The following MAP3K3 variants were observed in gnomAD, a reference collection of about 807,000 sequenced individuals.
MAP3K3 encodes MAP/ERK kinase kinase 3.
MAP3K3 carries 12 observed loss-of-function variants against 80.9 expected under a neutral mutation model. That is an observed-to-expected ratio of 0.15 (90% CI 0.10 to 0.24). MAP3K3 has a LOEUF of 0.24. Ranked by LOEUF, MAP3K3 falls within the 10% of genes least tolerant of loss-of-function variation. The pLI is 1.00. For synonymous variants in MAP3K3, 272 were observed against 307.1 expected, an observed-to-expected ratio of 0.89 and a Z score of 1.19; for missense variants, 596 against 834.7, an observed-to-expected ratio of 0.71 and a Z score of 3.52.
At position 63,657,889 on chromosome 17, in the gene MAP3K3, G is replaced by T; in HGVS notation, c.363G>T (p.Leu121Phe). The stretch of plus-strand genomic sequence containing the variant: ...TGAAAAGCCTTAGGATATTGCTGTT[G>T]TCCCAGGACAGAAACCATGTAAGTA... ...SSMKSLRILL[L>F]SQDRNHNSSS... Residue 121 changes from leucine to phenylalanine, a missense_variant, in exon 5 of 16, where the codon TTG (leucine) becomes TTT (phenylalanine). Coordinates refer to ENST00000361733, the MANE Select transcript of MAP3K3 (RefSeq NM_002401.5). 1 of 1,596,588 alleles carries T rather than the reference G, an allele frequency of 6.3e-7. No homozygotes were observed. Among genetic ancestry groups the T allele is most frequent in the Non-Finnish European group, 8.6e-7 (1 of 1,166,588 alleles).
chr17:63,658,119 G>T (rs1354299953), intron 5 of MAP3K3, among the ~76,000 whole-genome samples: 1 of 152,136 alleles, frequency 6.6e-6, no homozygotes, highest in Non-Finnish European at 1.5e-5. Flanking sequence ...TGCATCTAAA[G>T]GTTATTTGAC....
chr17:63,648,138 T>C (rs1040703953), intron 3 of MAP3K3, among the ~76,000 whole-genome samples: 1 of 152,242 alleles, frequency 6.6e-6, no homozygotes, highest in Non-Finnish European at 1.5e-5. Flanking sequence ...GGCCTAAAAA[T>C]GCCTGTTATT....
intron 1 of MAP3K3, among the ~76,000 whole-genome samples, chr17:63,624,580 G>A (rs1464991514): frequency 6.6e-6 from 1 of 152,180 alleles, no homozygotes; most frequent in Non-Finnish European, 1.5e-5. Context: ...TGGGTCTAGA[G>A]CCCCAAAGAA....
At chr17:63,647,683 G>C (rs1049481288) in intron 3 of MAP3K3, among the ~76,000 whole-genome samples, 4 of 152,174 alleles carry the variant, frequency 2.6e-5, no homozygotes, top group Non-Finnish European at 2.9e-5. Flanking sequence ...TGGCATTTCA[G>C]TGTTTGTGTA....
intron 6 of MAP3K3, among the ~76,000 whole-genome samples, chr17:63,672,121 A>C (rs901335575): frequency 9.9e-5 from 15 of 151,850 alleles, no homozygotes; most frequent in Admixed American, 7.9e-4. Context: ...CGTCTCTATG[A>C]AAAATACAAA....
chr17:63,677,708 G>A (rs1053413410), intron 6 of MAP3K3, among the ~76,000 whole-genome samples: 1 of 152,174 alleles, frequency 6.6e-6, no homozygotes, highest in Non-Finnish European at 1.5e-5. Context: ...AATTTGAGCT[G>A]CATGAAACAT....
At chr17:63,647,054 T>C (rs895372414) in intron 3 of MAP3K3, among the ~76,000 whole-genome samples, 1 of 152,190 alleles carries the variant, frequency 6.6e-6, no homozygotes, top group African/African-American at 2.4e-5. Flanking sequence ...TAAACATTCT[T>C]GATTCTGGTA....
chr17:63,647,295 T>C (rs1167150108), intron 3 of MAP3K3, among the ~76,000 whole-genome samples: 16 of 152,210 alleles, frequency 1.1e-4, no homozygotes, highest in Non-Finnish European at 1.5e-5. Context: ...CTGCTCTTCC[T>C]GTGTCCTGCC....
chr17:63,637,427 C>T (rs182831634), intron 2 of MAP3K3, among the ~76,000 whole-genome samples: 61 of 152,288 alleles, frequency 4.0e-4, no homozygotes, highest in African/African-American at 1.4e-3. Context: ...AGTCATATAA[C>T]CTTTCTGAAG....
intron 1 of MAP3K3, among the ~76,000 whole-genome samples, chr17:63,632,255 G>A (rs898446592): frequency 2.6e-5 from 4 of 152,128 alleles, no homozygotes; most frequent in African/African-American, 9.7e-5. Context: ...ACTTTGGGAG[G>A]CCGAGGCAGG....
At chr17:63,637,824 A>AT (rs2034360754) in intron 2 of MAP3K3, among the ~76,000 whole-genome samples, 2 of 152,236 alleles carry the variant, frequency 1.3e-5, no homozygotes. Context: ...AATGGTAGGT[A>AT]GATACTTGAA....
At chr17:63,668,871 A>G (rs2035048601) in intron 6 of MAP3K3, among the ~76,000 whole-genome samples, 3 of 152,196 alleles carry the variant, frequency 2.0e-5, no homozygotes, top group African/African-American at 4.8e-5. Context: ...GCAGTGAAGC[A>G]TTTGAAAGAG....
chr17:63,649,507 C>T (rs960632744), intron 3 of MAP3K3, among the ~76,000 whole-genome samples: 6 of 152,152 alleles, frequency 3.9e-5, no homozygotes, highest in African/African-American at 1.4e-4. Flanking sequence ...GGAGCCTCCA[C>T]CTCCCAGGCT....
intron 1 of MAP3K3, among the ~76,000 whole-genome samples, chr17:63,625,270 T>C (rs2034076703): frequency 6.6e-6 from 1 of 152,200 alleles, no homozygotes; most frequent in Non-Finnish European, 1.5e-5. Context: ...TATTTATCTC[T>C]GTAAATAATA....
intron 6 of MAP3K3, among the ~76,000 whole-genome samples, chr17:63,680,159 T>C (rs941821812): frequency 1.3e-5 from 2 of 152,188 alleles, no homozygotes; most frequent in Non-Finnish European, 2.9e-5. Flanking sequence ...GAAAACCTAG[T>C]GCTACAGCCC....
chr17:63,665,016 C>T (rs2034971530), intron 5 of MAP3K3, among the ~76,000 whole-genome samples: 2 of 152,128 alleles, frequency 1.3e-5, no homozygotes, highest in African/African-American at 4.8e-5. Context: ...AAAATCTCCA[C>T]AGGCAGCTGG....
At chr17:63,644,144 G>T (rs1355130629) in intron 2 of MAP3K3, among the ~76,000 whole-genome samples, 5 of 152,050 alleles carry the variant, frequency 3.3e-5, no homozygotes, top group Admixed American at 3.3e-4. Context: ...CTCAATAAAC[G>T]TTAGCTATTA....
chr17:63,662,244 GA>G (rs35789105), intron 5 of MAP3K3, among the ~76,000 whole-genome samples: 3,627 of 81,152 alleles, frequency 0.045, 49 homozygotes, highest in Non-Finnish European at 0.052. Flanking sequence ...TGTCTCTATT[GA>G]AAAAAAAAAA....
At chr17:63,672,967 A>C (rs1229122122) in intron 6 of MAP3K3, 1 of 152,200 alleles carries the variant, frequency 6.6e-6, no homozygotes, top group African/African-American at 2.4e-5. Context: ...GGGTCCAAGA[A>C]GTCCTTGGTT....
Sources: gnomAD v4.1 joint callset for allele counts (sites outside exome capture counted in the v4.1 genomes callset) on GRCh38, gnomAD v4.1.1 for gene constraint, MANE v1.5 for transcripts, NCBI Gene and HGNC (gene_info 2026-07-23, HGNC 2026-07-21) for gene names.